SPATA13: variants seen among roughly 807,000 people sequenced by gnomAD.
SPATA13 encodes spermatogenesis associated 13, also known as spermatogenesis-associated protein 13.
In SPATA13, 50 loss-of-function variants were observed where a neutral mutation model predicts 104.0. That is an observed-to-expected ratio of 0.48 (90% CI 0.38 to 0.61). The LOEUF (loss-of-function observed/expected upper bound fraction) is 0.61, where lower values mean the gene tolerates loss of function less well. Among genes scored for constraint, SPATA13 ranks in the 20% least tolerant of loss-of-function variants. The pLI is 0.00. For synonymous variants in SPATA13, 606 were observed against 667.5 expected (o/e 0.91, Z 1.42); for missense variants, 1,524 against 1,690.6 (o/e 0.90, Z 1.73).
intron 4 of SPATA13, among the ~76,000 whole-genome samples, chr13:24,261,343 T>G (rs1874054541): frequency 1.3e-5 from 2 of 152,116 alleles, no homozygotes; most frequent in South Asian, 4.2e-4. Context: ...GTTGGTCAAT[T>G]GGGGAGCTTA....
chr13:24,085,684 A>G (rs1342687153), intron 3 of SPATA13, among the ~76,000 whole-genome samples: 1 of 151,922 alleles, frequency 6.6e-6, no homozygotes, highest in African/African-American at 2.4e-5. Flanking sequence ...GGGAGGGTTT[A>G]CCTCCCGTGC....
intron 5 of SPATA13, 125 bp downstream of exon 5, chr13:24,284,396 A>AATC: frequency 9.3e-7 from 1 of 1,074,938 alleles, no homozygotes; most frequent in Non-Finnish European, 1.3e-6. Context: ...AACTCTGATT[A>AATC]AAACAACACT....
chr13:24,086,577 G>A (rs1220831778), intron 3 of SPATA13, among the ~76,000 whole-genome samples: 1 of 152,210 alleles, frequency 6.6e-6, no homozygotes, highest in Non-Finnish European at 1.5e-5. Flanking sequence ...TGGCGAGAAG[G>A]TGGAATAGAG....
intron 4 of SPATA13, among the ~76,000 whole-genome samples, chr13:24,277,990 A>C (rs1300766184): frequency 6.6e-6 from 1 of 152,152 alleles, no homozygotes; most frequent in African/African-American, 2.4e-5. Flanking sequence ...AAAATCGTGA[A>C]AGTAGTTAGG....
intron 3 of SPATA13, among the ~76,000 whole-genome samples, chr13:24,136,101 T>C (rs555163880): frequency 1.3e-5 from 2 of 152,328 alleles, no homozygotes; most frequent in East Asian, 3.9e-4. Flanking sequence ...GAGAGAAGTT[T>C]TCCTAAGAAG....
intron 2 of SPATA13, among the ~76,000 whole-genome samples, chr13:24,005,870 TC>T (rs1406725162): frequency 1.3e-5 from 2 of 152,222 alleles, no homozygotes; most frequent in Non-Finnish European, 2.9e-5. Flanking sequence ...GACATTTTTT[TC>T]CCTTCTTAAT....
chr13:24,203,706 G>A (rs115033013), intron 1 of SPATA13, among the ~76,000 whole-genome samples: 101 of 151,992 alleles, frequency 6.6e-4, no homozygotes, highest in African/African-American at 2.4e-3. Flanking sequence ...TTTGTTGGTA[G>A]GTATTTGGGA....
chr13:24,156,150 A>G (rs185601265), upstream of SPATA13, among the ~76,000 whole-genome samples: 3 of 152,316 alleles, frequency 2.0e-5, no homozygotes, highest in African/African-American at 7.2e-5. Context: ...AAGTGGGTGT[A>G]CAAATATCTG....
At chr13:24,230,248 A>G (rs1872183350) in intron 2 of SPATA13, among the ~76,000 whole-genome samples, 1 of 152,224 alleles carries the variant, frequency 6.6e-6, no homozygotes, top group African/African-American at 2.4e-5. Flanking sequence ...TGTGAACAGA[A>G]GGGGTTGAAA....
chr13:23,980,241 C>T (rs1420335625), intron 1 of SPATA13, among the ~76,000 whole-genome samples: 1 of 152,026 alleles, frequency 6.6e-6, no homozygotes, highest in African/African-American at 2.4e-5. Context: ...AAGGGGTGAG[C>T]GCATAGGGGC....
intron 3 of SPATA13, among the ~76,000 whole-genome samples, chr13:24,024,625 T>G (rs1877125294): frequency 6.6e-6 from 1 of 152,002 alleles, no homozygotes; most frequent in African/African-American, 2.4e-5. Context: ...ATGCATCCAG[T>G]GCTTACTAGA....
intron 1 of SPATA13, among the ~76,000 whole-genome samples, chr13:24,170,535 T>C (rs1199140053): frequency 1.3e-5 from 2 of 152,236 alleles, no homozygotes; most frequent in Non-Finnish European, 2.9e-5. Context: ...ATTTCTAGGC[T>C]TTCGTGGAAA....
At chr13:24,193,261 A>G (rs1201196644) in intron 1 of SPATA13, among the ~76,000 whole-genome samples, 3 of 152,032 alleles carry the variant, frequency 2.0e-5, no homozygotes, top group Non-Finnish European at 4.4e-5. Context: ...GGGGAAATGG[A>G]CAGGAGGGAA....
chr13:24,045,764 G>T (rs1487324872), intron 3 of SPATA13, among the ~76,000 whole-genome samples: 1 of 152,018 alleles, frequency 6.6e-6, no homozygotes, highest in Admixed American at 6.5e-5. Flanking sequence ...CACAGGCTGA[G>T]CCACAGGGTT....
At chr13:24,131,020 T>C (rs1207761195) in intron 3 of SPATA13, among the ~76,000 whole-genome samples, 1 of 152,144 alleles carries the variant, frequency 6.6e-6, no homozygotes, top group Non-Finnish European at 1.5e-5. Flanking sequence ...CGTGTGAGTC[T>C]CCTCCTTTTC....
chr13:24,141,467 G>A (rs1881760082), intron 3 of SPATA13, among the ~76,000 whole-genome samples: 1 of 152,140 alleles, frequency 6.6e-6, no homozygotes, highest in African/African-American at 2.4e-5. Context: ...GCCTGACAGG[G>A]TCCTACTTAC....
chr13:24,118,526 T>G (rs1880925949), intron 3 of SPATA13, among the ~76,000 whole-genome samples: 1 of 152,214 alleles, frequency 6.6e-6, no homozygotes, highest in African/African-American at 2.4e-5. Context: ...GCTTGTAGCC[T>G]GCATCAGTCT....
chr13:24,255,413 G>A (rs1227432838), intron 4 of SPATA13, among the ~76,000 whole-genome samples: 1 of 152,074 alleles, frequency 6.6e-6, no homozygotes, highest in African/African-American at 2.4e-5. Context: ...CAATGTTGTG[G>A]TACCTTTGTG....
At chr13:24,217,700 G>T (rs1289382339) in intron 1 of SPATA13, among the ~76,000 whole-genome samples, 1 of 152,206 alleles carries the variant, frequency 6.6e-6, no homozygotes, top group Non-Finnish European at 1.5e-5. Context: ...GCAGGAAGTT[G>T]CTACCAGCCC....
Sources: gnomAD v4.1 joint callset for allele counts (sites outside exome capture counted in the v4.1 genomes callset) on GRCh38, gnomAD v4.1.1 for gene constraint, MANE v1.5 for transcripts, NCBI Gene and HGNC (gene_info 2026-07-23, HGNC 2026-07-21) for gene names.